TMEM132D: variants seen among roughly 807,000 people sequenced by gnomAD.
TMEM132D encodes the protein transmembrane protein 132D.
In TMEM132D, 21 loss-of-function variants were observed where a neutral mutation model predicts 62.3. The observed-to-expected ratio is 0.34, with a 90% CI of 0.24 to 0.49. The LOEUF (loss-of-function observed/expected upper bound fraction) is 0.49, where lower values mean the gene tolerates loss of function less well. TMEM132D is among the 20% of genes least tolerant of loss of function. The pLI is 0.99. For synonymous variants in TMEM132D, 621 were observed against 575.6 expected (o/e 1.08, Z -1.13); for missense variants, 1,346 against 1,402.8 (o/e 0.96, Z 0.65).
chr12:129,787,272 A>G lies in TMEM132D; in HGVS notation c.80-86574T>C, dbSNP rs555243487. On this transcript the variant is annotated intron_variant, in intron 1 of 8. Coordinates refer to ENST00000422113, the MANE Select transcript of TMEM132D (RefSeq NM_133448.3). Reference sequence around the variant, plus strand: ...TCAAAGTCAGGAGGAAAGAGAGACTAAAGGGAAGTAAGTAGAAGATAGGAA... The same window carrying G: ...TCAAAGTCAGGAGGAAAGAGAGACTGAAGGGAAGTAAGTAGAAGATAGGAA... Among the ~76,000 whole-genome samples, 302 of 152,304 alleles carry G rather than the reference A, an allele frequency of 2.0e-3. 8 individuals are homozygous for G. In the South Asian group the frequency reaches 0.06, roughly 30 times the overall value.
At chr12:129,517,299 T>C (rs935399384) in intron 3 of TMEM132D, among the ~76,000 whole-genome samples, 2 of 152,176 alleles carry the variant, frequency 1.3e-5, no homozygotes, top group Non-Finnish European at 2.9e-5. Context: ...ATCAAGTTGG[T>C]TAAATTGAAA....
At chr12:129,188,801 A>AGAGAGAG (rs1878300809) in intron 5 of TMEM132D, among the ~76,000 whole-genome samples, 13 of 116,462 alleles carry the variant, frequency 1.1e-4, no homozygotes, top group African/African-American at 4.0e-4. Context: ...GAGAGAGAGA[A>AGAGAGAG]AGAGAGAGAT....
chr12:129,598,403 T>C (rs115510010), intron 2 of TMEM132D, among the ~76,000 whole-genome samples: 5 of 152,314 alleles, frequency 3.3e-5, no homozygotes, highest in Admixed American at 1.3e-4. Context: ...AGATTTTCTA[T>C]GGAATGTCCA....
At chr12:129,303,078 C>T (rs373186184) in intron 4 of TMEM132D, among the ~76,000 whole-genome samples, 1 of 152,198 alleles carries the variant, frequency 6.6e-6, no homozygotes, top group East Asian at 1.9e-4. Context: ...GCATTGATGG[C>T]TCCATAGCCA....
At chr12:129,513,651 AT>A (rs1334972065) in intron 3 of TMEM132D, among the ~76,000 whole-genome samples, 9 of 147,970 alleles carry the variant, frequency 6.1e-5, no homozygotes, top group Non-Finnish European at 7.5e-5. Context: ...CGCCCGGATA[AT>A]TTTTTTGTAT....
intron 2 of TMEM132D, among the ~76,000 whole-genome samples, chr12:129,676,996 C>T (rs1880647800): frequency 6.6e-6 from 1 of 152,160 alleles, no homozygotes; most frequent in Non-Finnish European, 1.5e-5. Context: ...ATCAGAATAG[C>T]TATATAGTAT....
intron 4 of TMEM132D, among the ~76,000 whole-genome samples, chr12:129,306,302 G>C (rs1166717742): frequency 1.3e-5 from 2 of 152,138 alleles, no homozygotes. Context: ...AAATTCAAAA[G>C]AAATCAAGTA....
chr12:129,302,782 C>T (rs1407388439), intron 4 of TMEM132D, among the ~76,000 whole-genome samples: 1 of 152,230 alleles, frequency 6.6e-6, no homozygotes, highest in African/African-American at 2.4e-5. Flanking sequence ...CAAAGCAATG[C>T]ACACAGCGAA....
intron 3 of TMEM132D, among the ~76,000 whole-genome samples, chr12:129,394,870 G>A (rs568350693): frequency 6.6e-6 from 1 of 152,292 alleles, no homozygotes; most frequent in African/African-American, 2.4e-5. Context: ...GAATCTTTTG[G>A]GGGTGACAGA....
intron 1 of TMEM132D, among the ~76,000 whole-genome samples, chr12:129,799,168 G>C (rs1022818758): frequency 6.6e-6 from 1 of 152,092 alleles, no homozygotes; most frequent in Non-Finnish European, 1.5e-5. Flanking sequence ...AGGAGGCTGA[G>C]GCAGGAGAAT....
At chr12:129,089,597 A>G (rs553231776) in intron 5 of TMEM132D, among the ~76,000 whole-genome samples, 2,994 of 151,490 alleles carry the variant, frequency 0.02, 450 homozygotes, top group African/African-American at 0.07. Flanking sequence ...GTCCTCCCTG[A>G]CCGGGGTGTC....
chr12:129,236,937 A>G (rs1262868026), intron 4 of TMEM132D, among the ~76,000 whole-genome samples: 1 of 152,184 alleles, frequency 6.6e-6, no homozygotes, highest in Admixed American at 6.5e-5. Flanking sequence ...TATCACAAAA[A>G]TGTATTGAAT....
intron 4 of TMEM132D, among the ~76,000 whole-genome samples, chr12:129,332,924 G>T (rs2135652923): frequency 6.6e-6 from 1 of 152,256 alleles, no homozygotes; most frequent in East Asian, 1.9e-4. Flanking sequence ...AGATGAAAAA[G>T]TTCCAGAGAG....
At chr12:129,574,439 G>T (rs1436955554) in intron 2 of TMEM132D, among the ~76,000 whole-genome samples, 1 of 151,878 alleles carries the variant, frequency 6.6e-6, no homozygotes, top group East Asian at 1.9e-4. Context: ...AAAACAATTA[G>T]AGAGCAAAGG....
At chr12:129,106,888 G>T (rs1875519115) in intron 5 of TMEM132D, among the ~76,000 whole-genome samples, 1 of 152,182 alleles carries the variant, frequency 6.6e-6, no homozygotes, top group African/African-American at 2.4e-5. Flanking sequence ...ACTGCATGGG[G>T]AATGCCTGCC....
At chr12:129,341,142 T>C (rs1368253372) in intron 3 of TMEM132D, among the ~76,000 whole-genome samples, 1 of 152,226 alleles carries the variant, frequency 6.6e-6, no homozygotes, top group Non-Finnish European at 1.5e-5. Context: ...AGGCAATATT[T>C]ATCACTTCTC....
intron 2 of TMEM132D, among the ~76,000 whole-genome samples, chr12:129,603,890 T>C (rs1878547191): frequency 6.6e-6 from 1 of 152,168 alleles, no homozygotes; most frequent in South Asian, 2.1e-4. Context: ...TGCAGCACTA[T>C]TTACAATAGC....
chr12:129,746,650 T>A (rs979088534), intron 1 of TMEM132D, among the ~76,000 whole-genome samples: 4 of 152,166 alleles, frequency 2.6e-5, no homozygotes, highest in African/African-American at 9.7e-5. Flanking sequence ...AGGGATTTCA[T>A]CATTTATGTA....
chr12:129,778,592 A>C (rs1871024051), intron 1 of TMEM132D, among the ~76,000 whole-genome samples: 1 of 152,216 alleles, frequency 6.6e-6, no homozygotes, highest in African/African-American at 2.4e-5. Context: ...ATGGTTGGCA[A>C]GTTGCTCTTG....
Sources: allele counts gnomAD v4.1 joint callset (sites outside exome capture counted in the v4.1 genomes callset), GRCh38; gene constraint gnomAD v4.1.1; transcripts MANE v1.5; gene names NCBI Gene and HGNC (gene_info 2026-07-23, HGNC 2026-07-21).